The following LRP2 variants were observed in gnomAD, a reference collection of about 807,000 sequenced individuals.
LRP2 encodes low-density lipoprotein receptor-related protein 2.
Under a neutral mutation model 531.0 loss-of-function variants are expected in LRP2, and 172 were observed. That is an observed-to-expected ratio of 0.32 (90% confidence interval 0.29 to 0.37). The LOEUF (loss-of-function observed/expected upper bound fraction) is 0.37. LRP2 is among the 10% of genes least tolerant of loss of function. The probability of loss-of-function intolerance (pLI) is 1.00; values close to 1 mark genes in which losing one functional copy is unlikely to be tolerated. For synonymous variants in LRP2, 1,992 were observed against 2,027.6 expected, an observed-to-expected ratio of 0.98 and a Z score of 0.47; for missense variants, 5,167 against 5,868.3, an observed-to-expected ratio of 0.88 and a Z score of 3.90.
chr2:169,281,794 C>T (rs1158717765), intron 10 of LRP2, among the ~76,000 whole-genome samples: 1 of 151,480 alleles, frequency 6.6e-6, no homozygotes, highest in African/African-American at 2.4e-5. Context: ...AAATGGAAAG[C>T]TCTGGAAAAT....
chr2:169,128,982 G>A lies in LRP2; in HGVS notation c.13800+31C>T. 3 of 1,566,536 alleles carry A rather than the reference G, an allele frequency of 1.9e-6. No individual in the cohort carries two copies. The South Asian group carries it at 3.3e-5, about 17-fold the overall frequency. ...AAGCAAATAATTTCTAAGAAAAAAT[G>A]TCTGTGCTAAGAAAAATTGTTAAAA... On this transcript the variant is annotated intron_variant, in intron 78 of 78. Transcript: ENST00000649046.
intron 21 of LRP2, 98 bp from the exon 22 acceptor site, chr2:169,245,030 G>A: frequency 1.6e-6 from 2 of 1,280,970 alleles, no homozygotes; most frequent in Non-Finnish European, 2.3e-6. Flanking sequence ...TTTTAATGGA[G>A]GCATTGTATA....
At chr2:169,232,761 C>T (rs897280135) in intron 30 of LRP2, among the ~76,000 whole-genome samples, 3 of 152,168 alleles carry the variant, frequency 2.0e-5, no homozygotes, top group Non-Finnish European at 4.4e-5. Flanking sequence ...GCAGGAGTCG[C>T]CTGCTGTGCT....
intron 4 of LRP2, 109 bp downstream of exon 4, chr2:169,307,172 G>C: frequency 2.5e-6 from 2 of 789,628 alleles, no homozygotes; most frequent in South Asian, 2.7e-5. Context: ...GCAATAACAA[G>C]AGGCATATTG....
intron 4 of LRP2, among the ~76,000 whole-genome samples, chr2:169,296,716 G>A (rs1156335632): frequency 6.6e-6 from 1 of 152,100 alleles, no homozygotes; most frequent in Admixed American, 6.6e-5. Context: ...AAGTGTGCTG[G>A]ATGGATCTCT....
intron 62 of LRP2, among the ~76,000 whole-genome samples, chr2:169,164,225 C>T (rs1285819506): frequency 1.3e-5 from 2 of 152,168 alleles, no homozygotes; most frequent in African/African-American, 2.4e-5. Flanking sequence ...CCGCCAATAC[C>T]TATCAGGCAC....
intron 48 of LRP2, 42 bp from the exon 49 acceptor site, chr2:169,188,307 A>G (rs1196813701): frequency 6.3e-7 from 1 of 1,595,650 alleles, no homozygotes; most frequent in Admixed American, 1.7e-5. Flanking sequence ...GAGGTTGGCA[A>G]TAAACCTCAA....
rs1686869020 is a variant in LRP2, at chr2:169,168,435, AAAC to A, written c.11635+101_11635+103del. ...CAACGCTGATCCTGTGTCCATTCCT[AAAC>A]AATTGTACAACTGCTCTCCAGGCTC... On this transcript the variant is annotated intron_variant, in intron 61 of 78. Transcript: ENST00000649046. 2.8e-6 allele frequency: 4 copies of A among 1,408,912 alleles called. No homozygotes were observed. In the East Asian group the frequency reaches 9.2e-5, roughly 32 times the overall value. The allele number at this position is 1,408,912 out of a possible 1,614,324, so 87.3% of individuals were successfully genotyped here. A position where few individuals can be genotyped will look rare whatever the true frequency, so the allele number is the denominator to read the frequency against.
intron 9 of LRP2, among the ~76,000 whole-genome samples, chr2:169,283,392 A>T (rs912772156): frequency 5.9e-5 from 9 of 152,220 alleles, no homozygotes; most frequent in African/African-American, 1.9e-4. Context: ...GTATCTTTAG[A>T]TTAATTAAAA....
At chr2:169,262,961 T>A (rs1168557542) in intron 16 of LRP2, among the ~76,000 whole-genome samples, 2 of 152,120 alleles carry the variant, frequency 1.3e-5, no homozygotes, top group African/African-American at 4.8e-5. Context: ...AACTATCTGA[T>A]CTTTGACAAA....
chr2:169,196,297 T>C (rs1161175721), intron 46 of LRP2, among the ~76,000 whole-genome samples: 1 of 152,256 alleles, frequency 6.6e-6, no homozygotes, highest in Non-Finnish European at 1.5e-5. Context: ...TGACAGGTTT[T>C]TTAAAGCAAT....
intron 70 of LRP2, among the ~76,000 whole-genome samples, chr2:169,143,484 T>C (rs578104792): frequency 1.6e-3 from 240 of 150,064 alleles, no homozygotes; most frequent in Non-Finnish European, 2.9e-3. Flanking sequence ...CTACTAAAAA[T>C]ACAAAAAAAA....
At position 169,283,057 on chromosome 2, in the gene LRP2, T is replaced by A; in HGVS notation, c.1043-56A>T. 2.5e-6 allele frequency: 4 copies of A among 1,591,382 alleles called. No individual in the cohort carries two copies. In the South Asian group the frequency reaches 4.4e-5, roughly 18 times the overall value. On this transcript the variant is annotated intron_variant, in intron 9 of 78. Coordinates refer to ENST00000649046, the MANE Select transcript of LRP2 (RefSeq NM_004525.3). ...AAGGTTATCAGCATTTATTAAGCAC[T>A]CTCTGACAAAAATCCTAGATAAGAT...
At chr2:169,303,103 T>C (rs114465994) in intron 4 of LRP2, among the ~76,000 whole-genome samples, 2,145 of 152,084 alleles carry the variant, frequency 0.014, 60 homozygotes, top group African/African-American at 0.049. Flanking sequence ...AATAAAACAA[T>C]ATTAGTTATG....
chr2:169,328,586 C>T (rs1559078541), intron 1 of LRP2, among the ~76,000 whole-genome samples: 1 of 150,812 alleles, frequency 6.6e-6, no homozygotes, highest in Non-Finnish European at 1.5e-5. Flanking sequence ...CATGCAATAA[C>T]AACAGCTGAT....
At chr2:169,191,775 G>A in intron 48 of LRP2, 57 bp downstream of exon 48, 2 of 1,503,132 alleles carry the variant, frequency 1.3e-6, no homozygotes, top group Non-Finnish European at 1.9e-6. Flanking sequence ...AGGTAAGTGA[G>A]CCCAGCCCCC....
At chr2:169,175,136 G>A in intron 55 of LRP2, 57 bp downstream of exon 55, 2 of 1,539,094 alleles carry the variant, frequency 1.3e-6, no homozygotes, top group South Asian at 2.3e-5. Flanking sequence ...ACAGAATCAT[G>A]ATCGTATACA....
At chr2:169,338,360 GAA>G (rs1472893889) in intron 1 of LRP2, among the ~76,000 whole-genome samples, 1 of 18,984 alleles carries the variant, frequency 5.3e-5, no homozygotes, top group Non-Finnish European at 9.7e-5. Flanking sequence ...AAGAAAGAAG[GAA>G]AGAAAGAAAG....
intron 9 of LRP2, among the ~76,000 whole-genome samples, chr2:169,284,638 C>A (rs1327064989): frequency 2.0e-5 from 3 of 152,086 alleles, no homozygotes; most frequent in Non-Finnish European, 4.4e-5. Flanking sequence ...GCATATCTTT[C>A]TTTCCAAGGA....
Sources: gnomAD v4.1 joint callset for allele counts (sites outside exome capture counted in the v4.1 genomes callset) on GRCh38, gnomAD v4.1.1 for gene constraint, MANE v1.5 for transcripts, NCBI Gene and HGNC (gene_info 2026-07-23, HGNC 2026-07-21) for gene names.